ISY1: variants seen among roughly 807,000 people sequenced by gnomAD.
The protein encoded by ISY1 is pre-mRNA-splicing factor ISY1 homolog.
In ISY1, 12 loss-of-function variants were observed where a neutral mutation model predicts 54.4. That is an observed-to-expected ratio of 0.22 (90% CI 0.14 to 0.36). ISY1 has a LOEUF of 0.36. ISY1 is among the 10% of genes least tolerant of loss of function. ISY1 has a pLI of 1.00. For synonymous variants in ISY1, 96 were observed against 117.9 expected, an observed-to-expected ratio of 0.81 and a Z score of 1.20; for missense variants, 282 against 342.2, an observed-to-expected ratio of 0.82 and a Z score of 1.39.
At chr3:129,141,118 T>C (rs958027513) in intron 6 of ISY1, among the ~76,000 whole-genome samples, 3 of 149,822 alleles carry the variant, frequency 2.0e-5, no homozygotes, top group East Asian at 4.1e-4. Flanking sequence ...GCAGGAAGAA[T>C]TGCTTGAACC....
intron 8 of ISY1, among the ~76,000 whole-genome samples, chr3:129,134,410 C>A (rs1193413358): frequency 6.6e-6 from 1 of 152,204 alleles, no homozygotes; most frequent in Non-Finnish European, 1.5e-5. Flanking sequence ...TTTTAGGGAA[C>A]ATTCCCAAAT....
chr3:129,132,341 T>C (rs1257007646), intron 9 of ISY1, among the ~76,000 whole-genome samples: 3 of 152,164 alleles, frequency 2.0e-5, no homozygotes, highest in East Asian at 3.9e-4. Flanking sequence ...CTATAATTAT[T>C]TGAAAAGAAA....
At chr3:129,153,848 T>G (rs1685048125) in intron 5 of ISY1, among the ~76,000 whole-genome samples, 1 of 152,082 alleles carries the variant, frequency 6.6e-6, no homozygotes, top group South Asian at 2.1e-4. Context: ...CTTACACCTG[T>G]AATCCTAGCA....
At chr3:129,133,518 AC>A (rs1315190492) in intron 9 of ISY1, among the ~76,000 whole-genome samples, 2 of 151,872 alleles carry the variant, frequency 1.3e-5, no homozygotes, top group Non-Finnish European at 2.9e-5. Flanking sequence ...ATATGGTGAA[AC>A]CCCGTCTCTA....
chr3:129,150,401 T>C (rs1936929785), intron 5 of ISY1, among the ~76,000 whole-genome samples: 1 of 152,226 alleles, frequency 6.6e-6, no homozygotes, highest in South Asian at 2.1e-4. Flanking sequence ...AGATCCTGAC[T>C]GTATTTTGTT....
intron 5 of ISY1, among the ~76,000 whole-genome samples, chr3:129,147,291 A>G (rs1028039461): frequency 1.3e-5 from 2 of 149,816 alleles, no homozygotes; most frequent in Non-Finnish European, 3.0e-5. Context: ...GTAGCAGAAT[A>G]GCTTGAGCCT....
At chr3:129,154,769 A>T (rs1245861153) in intron 5 of ISY1, among the ~76,000 whole-genome samples, 1 of 150,932 alleles carries the variant, frequency 6.6e-6, no homozygotes. Context: ...GCTCACTGCA[A>T]GCTCCACCTC....
In ISY1 at chr3:129,130,562, G is replaced by C. The variant is rs1235890695; in HGVS notation, c.738C>G (p.Pro246=). ...GCTGTGGTCCTACCTCTTGCTGCGAGGGAACAGGGACGTGAGCAATGAACT... is the reference window on the plus strand; with the variant it reads ...GCTGTGGTCCTACCTCTTGCTGCGACGGAACAGGGACGTGAGCAATGAACT... ...QQKFIAHVPV[P]SQQEIEEALV... The change falls in exon 10 of 11, where the codon CCC becomes CCG. Residue 246 remains proline, a synonymous_variant. Coordinates refer to ENST00000393295, the MANE Select transcript of ISY1 (RefSeq NM_020701.4). 1.9e-6 allele frequency: 3 copies of C among 1,614,062 alleles called. No individual in the cohort carries two copies. The highest frequency in any genetic ancestry group is 2.5e-6 in the Non-Finnish European group (3 of 1,179,976).
intron 6 of ISY1, chr3:129,144,119 A>G: frequency 2.3e-6 from 1 of 426,758 alleles, no homozygotes; most frequent in South Asian, 1.7e-5. Flanking sequence ...GCTGCCTCAC[A>G]GGAAAAATAA....
intron 7 of ISY1, among the ~76,000 whole-genome samples, chr3:129,138,404 G>C (rs1936493845): frequency 6.6e-6 from 1 of 151,704 alleles, no homozygotes. Flanking sequence ...GGGAAGCTGA[G>C]GCAGGTGGAT....
At chr3:129,130,507 G>C in intron 10 of ISY1, 43 bp downstream of exon 10, 1 of 1,608,714 alleles carries the variant, frequency 6.2e-7, no homozygotes, top group Non-Finnish European at 8.5e-7. Flanking sequence ...GTCTGCTTTA[G>C]AGAAGCCCCC....
At chr3:129,141,389 A>C (rs765834904) in intron 6 of ISY1, among the ~76,000 whole-genome samples, 4 of 152,120 alleles carry the variant, frequency 2.6e-5, no homozygotes, top group Non-Finnish European at 5.9e-5. Flanking sequence ...TCAGCCAGGC[A>C]TGGTGACACA....
chr3:129,160,990 C>G lies in ISY1; in HGVS notation c.-15G>C. The stretch of plus-strand genomic sequence containing the variant: ...CTACTCACCATGGTGTCGCTAAGGG[C>G]GCCGTCCTGGAGCCCCGCGGCCCCT... On this transcript the variant is annotated 5_prime_UTR_variant, in exon 1 of 11. Coordinates refer to ENST00000393295, the MANE Select transcript of ISY1 (RefSeq NM_020701.4). 1 of 1,502,924 alleles carries G rather than the reference C, an allele frequency of 6.7e-7. No homozygotes were observed. Among genetic ancestry groups the G allele is most frequent in the Non-Finnish European group, 8.9e-7 (1 of 1,119,628 alleles). 93.1% of individuals were successfully genotyped at this position (1,502,924 alleles called of 1,614,324 possible).
At chr3:129,155,691 T>G (rs1205982105) in intron 5 of ISY1, among the ~76,000 whole-genome samples, 1 of 152,168 alleles carries the variant, frequency 6.6e-6, no homozygotes. Context: ...GAATCTGTTG[T>G]TATAATCAGA....
intron 5 of ISY1, among the ~76,000 whole-genome samples, chr3:129,156,235 G>T (rs573905530): frequency 6.6e-6 from 1 of 151,616 alleles, no homozygotes; most frequent in Non-Finnish European, 1.5e-5. Context: ...TGTCTCTACT[G>T]AAAGTACAAA....
intron 5 of ISY1, among the ~76,000 whole-genome samples, chr3:129,154,910 G>A (rs1036094614): frequency 1.3e-5 from 2 of 151,168 alleles, no homozygotes; most frequent in African/African-American, 2.4e-5. Flanking sequence ...GGATGGTCTC[G>A]ATCTCCTGAC....
In ISY1 at chr3:129,161,058, G is replaced by A. The variant is rs535483196; in HGVS notation, c.-83C>T. The A allele has an allele frequency of 7.2e-6, 11 of 1,532,616 alleles. No individual in the cohort carries two copies. The African/African-American group carries it at 9.7e-5, about 14-fold the overall frequency. The allele number at this position is 1,532,616 out of a possible 1,614,324, so 94.9% of individuals were successfully genotyped here. Reference sequence around the variant, plus strand: ...GGCCCAGAAGACGCCGACGCTCACAGGAACTGAAGATTCCAACTACCCACA... The same window carrying A: ...GGCCCAGAAGACGCCGACGCTCACAAGAACTGAAGATTCCAACTACCCACA... On this transcript the variant is annotated 5_prime_UTR_variant, in exon 1 of 11. Transcript: ENST00000393295.
At chr3:129,144,333 G>C (rs1210941792) in intron 6 of ISY1, 3 of 199,686 alleles carry the variant, frequency 1.5e-5, no homozygotes, top group African/African-American at 2.3e-5. Flanking sequence ...AGGTGCTTCA[G>C]AAATGGGAGT....
rs142561949 is a variant in ISY1 at position 129,141,340 on chromosome 3, A to G, written c.301-855T>C. 5.7e-3 allele frequency among the ~76,000 whole-genome samples: 871 copies of G among 152,292 alleles called. 3 individuals carry two copies. The highest frequency in any genetic ancestry group is 0.015 in the African/African-American group (619 of 41,574). On this transcript the variant is annotated intron_variant, in intron 6 of 10. Coordinates refer to ENST00000393295, the MANE Select transcript of ISY1 (RefSeq NM_020701.4). Reference sequence around the variant, plus strand: ...CCAGGAGTTCACGACCAGCATGGGCAACATGGCAAAACCCTGTCTCTACAA... The same window carrying G: ...CCAGGAGTTCACGACCAGCATGGGCGACATGGCAAAACCCTGTCTCTACAA...
Sources: allele counts gnomAD v4.1 joint callset (sites outside exome capture counted in the v4.1 genomes callset), GRCh38; gene constraint gnomAD v4.1.1; transcripts MANE v1.5; gene names NCBI Gene and HGNC (gene_info 2026-07-23, HGNC 2026-07-21).